PTPRK: variants seen among roughly 807,000 people sequenced by gnomAD.
The protein encoded by PTPRK is protein tyrosine phosphatase receptor type K, also known as receptor-type tyrosine-protein phosphatase kappa.
Under a neutral mutation model 178.0 loss-of-function variants are expected in PTPRK, and 75 were observed. The ratio of observed to expected loss-of-function variants is 0.42; its 90% confidence interval spans 0.35 to 0.51. PTPRK has a LOEUF of 0.51. Ranked by LOEUF, PTPRK falls within the 20% of genes least tolerant of loss-of-function variation. The probability of loss-of-function intolerance (pLI) is 0.02; values close to 1 mark genes in which losing one functional copy is unlikely to be tolerated. For missense variants in PTPRK, 1,441 were observed against 1,797.8 expected (o/e 0.80, Z 3.59); for synonymous variants, 637 against 620.6 (o/e 1.03, Z -0.39).
chr6:128,003,153 T>C (rs1253806328), intron 15 of PTPRK: 1 of 1,545,046 alleles, frequency 6.5e-7, no homozygotes, highest in Non-Finnish European at 8.9e-7. Flanking sequence ...TGCAAGGAGG[T>C]GTGATCCATG....
At chr6:128,003,277 T>G in intron 15 of PTPRK, 1 of 1,523,846 alleles carries the variant, frequency 6.6e-7, no homozygotes, top group East Asian at 2.4e-5. Context: ...GCTCTAAAAT[T>G]GTTTTTTAAA....
At position 128,068,611 on chromosome 6, in the gene PTPRK, T is replaced by G. The variant is rs1782253489; in HGVS notation, c.1884-819A>C. On this transcript the variant is annotated intron_variant, in intron 11 of 29. Transcript: ENST00000368226. ...ATTTAAAATAAAGATCCCCCGGATA[T>G]CTAACAATATTTTTTAACAACTCTG... Among the ~76,000 whole-genome samples the G allele has an allele frequency of 2.6e-5, 4 of 151,996 alleles. No homozygotes were observed. The South Asian group carries it at 8.3e-4, about 32-fold the overall frequency.
At chr6:128,030,229 C>T (rs151117506) in intron 13 of PTPRK, among the ~76,000 whole-genome samples, 260 of 152,236 alleles carry the variant, frequency 1.7e-3, no homozygotes, top group African/African-American at 5.5e-3. Context: ...CCAATAGCAG[C>T]TAACACTGAC....
intron 13 of PTPRK, among the ~76,000 whole-genome samples, chr6:128,034,559 A>G (rs1775893121): frequency 6.6e-6 from 1 of 152,208 alleles, no homozygotes; most frequent in African/African-American, 2.4e-5. Flanking sequence ...ACAGGGGGAA[A>G]AAAATCAAAA....
chr6:128,132,238 G>C (rs1430888820), intron 7 of PTPRK, among the ~76,000 whole-genome samples: 1 of 152,096 alleles, frequency 6.6e-6, no homozygotes, highest in African/African-American at 2.4e-5. Context: ...GCAGTGGCGC[G>C]ATCTTGGCTC....
intron 6 of PTPRK, among the ~76,000 whole-genome samples, chr6:128,206,751 G>A (rs1002090407): frequency 6.6e-6 from 1 of 152,032 alleles, no homozygotes; most frequent in Non-Finnish European, 1.5e-5. Flanking sequence ...TATAATTGCT[G>A]TGACTATTCC....
intron 22 of PTPRK, among the ~76,000 whole-genome samples, chr6:127,985,235 T>G (rs188915394): frequency 6.6e-6 from 1 of 152,222 alleles, no homozygotes; most frequent in Non-Finnish European, 1.5e-5. Flanking sequence ...GATGCAGTTT[T>G]CAAGGTCCTC....
chr6:128,370,848 A>G (rs906925149), intron 2 of PTPRK, among the ~76,000 whole-genome samples: 1 of 152,188 alleles, frequency 6.6e-6, no homozygotes, highest in Non-Finnish European at 1.5e-5. Context: ...CTTGCAAATA[A>G]TTTTAAATAT....
At chr6:128,241,362 C>T in intron 4 of PTPRK, 1 of 523,646 alleles carries the variant, frequency 1.9e-6, no homozygotes, top group African/African-American at 1.9e-5. Flanking sequence ...CCACCCCAGA[C>T]CTATTCAATC....
intron 13 of PTPRK, among the ~76,000 whole-genome samples, chr6:128,013,032 CA>C (rs940881330): frequency 6.6e-6 from 1 of 151,358 alleles, no homozygotes; most frequent in African/African-American, 2.4e-5. Flanking sequence ...CCACCATAAC[CA>C]ATGTTTCTAA....
At chr6:128,113,952 TAAAAG>T (rs1381543264) in intron 7 of PTPRK, among the ~76,000 whole-genome samples, 2 of 152,114 alleles carry the variant, frequency 1.3e-5, no homozygotes, top group African/African-American at 4.8e-5. Context: ...ATTAATGTTA[TAAAAG>T]AAAACTGTAA....
intron 3 of PTPRK, among the ~76,000 whole-genome samples, chr6:128,275,412 C>T (rs1418755718): frequency 3.3e-5 from 5 of 151,878 alleles, no homozygotes; most frequent in Admixed American, 6.6e-5. Flanking sequence ...TATAACCAAC[C>T]GGCAAACTCC....
At chr6:128,136,868 G>A (rs534041330) in intron 7 of PTPRK, among the ~76,000 whole-genome samples, 10 of 152,194 alleles carry the variant, frequency 6.6e-5, no homozygotes, top group Non-Finnish European at 1.0e-4. Context: ...GCTAGTCCAC[G>A]TACATGGTTT....
intron 1 of PTPRK, among the ~76,000 whole-genome samples, chr6:128,460,271 T>C (rs770310700): frequency 2.6e-5 from 4 of 151,896 alleles, no homozygotes; most frequent in African/African-American, 4.8e-5. Context: ...CAGCTGGGCA[T>C]GGGGACTCAC....
intron 1 of PTPRK, among the ~76,000 whole-genome samples, chr6:128,401,661 A>G (rs1018033162): frequency 3.3e-5 from 5 of 152,130 alleles, no homozygotes; most frequent in Admixed American, 3.3e-4. Context: ...TAGATTCTTA[A>G]TTTTCTGACT....
intron 13 of PTPRK, chr6:128,027,965 C>G (rs1337235277): frequency 6.6e-6 from 1 of 152,158 alleles, no homozygotes; most frequent in African/African-American, 2.4e-5. Flanking sequence ...CAGCCACTCC[C>G]TTATTGAAGT....
chr6:128,321,976 T>C, intron 3 of PTPRK, 63 bp downstream of exon 3: 7 of 1,598,522 alleles, frequency 4.4e-6, no homozygotes, highest in East Asian at 2.2e-5. Flanking sequence ...TACATCTATG[T>C]ATTACACATA....
At chr6:128,326,194 G>A (rs1221115645) in intron 2 of PTPRK, among the ~76,000 whole-genome samples, 2 of 152,056 alleles carry the variant, frequency 1.3e-5, no homozygotes, top group Non-Finnish European at 1.5e-5. Flanking sequence ...AGCATAAGGA[G>A]AAATACCTAA....
chr6:128,144,933 C>T, intron 7 of PTPRK, among the ~76,000 whole-genome samples: 1 of 151,988 alleles, frequency 6.6e-6, no homozygotes, highest in Non-Finnish European at 1.5e-5. Context: ...TACCATGTGA[C>T]CCAAAATTAG....
Sources: gnomAD v4.1 joint callset for allele counts (sites outside exome capture counted in the v4.1 genomes callset) on GRCh38, gnomAD v4.1.1 for gene constraint, MANE v1.5 for transcripts, NCBI Gene and HGNC (gene_info 2026-07-23, HGNC 2026-07-21) for gene names.